The following AGBL4 variants were observed in gnomAD, a reference collection of about 807,000 sequenced individuals.
AGBL4 encodes cytosolic carboxypeptidase 6.
Under a neutral mutation model 66.4 loss-of-function variants are expected in AGBL4, and 58 were observed. That is an observed-to-expected ratio of 0.87 (90% CI 0.71 to 1.09). The LOEUF (loss-of-function observed/expected upper bound fraction) is 1.09. Ranked by LOEUF, AGBL4 falls within the 50% of genes least tolerant of loss-of-function variation. The pLI is 0.00. For missense variants in AGBL4, 579 were observed against 631.0 expected (o/e 0.92, Z 0.88); for synonymous variants, 234 against 222.9 (o/e 1.05, Z -0.44).
intron 4 of AGBL4, among the ~76,000 whole-genome samples, chr1:49,162,569 G>A (rs949702120): frequency 3.3e-5 from 5 of 152,162 alleles, no homozygotes; most frequent in Admixed American, 3.3e-4. Flanking sequence ...CTGCCTTCAA[G>A]TTGATCTTTC....
intron 2 of AGBL4, among the ~76,000 whole-genome samples, chr1:49,762,506 G>C (rs985688686): frequency 6.6e-6 from 1 of 151,096 alleles, no homozygotes; most frequent in Admixed American, 6.6e-5. Context: ...TCCGTCTTCC[G>C]GGTTCACTCC....
intron 5 of AGBL4, among the ~76,000 whole-genome samples, chr1:48,923,814 G>A (rs1654298157): frequency 6.6e-6 from 1 of 152,158 alleles, no homozygotes; most frequent in Admixed American, 6.5e-5. Flanking sequence ...TCATACATCC[G>A]TGGGCATGTA....
At chr1:49,791,322 G>A (rs994057896) in intron 2 of AGBL4, among the ~76,000 whole-genome samples, 5 of 151,906 alleles carry the variant, frequency 3.3e-5, no homozygotes, top group Non-Finnish European at 5.9e-5. Flanking sequence ...ATGTCTACAT[G>A]GATATATGTA....
chr1:49,670,535 A>T (rs1454066799), intron 3 of AGBL4, among the ~76,000 whole-genome samples: 3 of 152,196 alleles, frequency 2.0e-5, no homozygotes, highest in East Asian at 3.9e-4. Flanking sequence ...GGGCTGAAAC[A>T]TGCTTGCCAC....
intron 6 of AGBL4, among the ~76,000 whole-genome samples, chr1:48,683,019 T>C (rs1267905787): frequency 6.6e-6 from 1 of 152,116 alleles, no homozygotes; most frequent in African/African-American, 2.4e-5. Flanking sequence ...AATTGAGAAG[T>C]ATAGAACACT....
chr1:48,925,914 C>G (rs1461774825), intron 5 of AGBL4, among the ~76,000 whole-genome samples: 1 of 152,114 alleles, frequency 6.6e-6, no homozygotes, highest in Admixed American at 6.5e-5. Flanking sequence ...CTCCACTCTC[C>G]CCCTACAACC....
chr1:48,673,689 C>G (rs1237405884), intron 6 of AGBL4, among the ~76,000 whole-genome samples: 1 of 151,918 alleles, frequency 6.6e-6, no homozygotes, highest in African/African-American at 2.4e-5. Context: ...AACAAACCAA[C>G]CCATGCCTTG....
intron 2 of AGBL4, among the ~76,000 whole-genome samples, chr1:49,776,892 C>A (rs1459826988): frequency 2.0e-5 from 3 of 151,988 alleles, no homozygotes; most frequent in African/African-American, 7.2e-5. Flanking sequence ...GCATTTAACA[C>A]AAATACACTT....
At position 48,987,758 on chromosome 1, in the gene AGBL4, T is replaced by C. The variant is rs149496447; in HGVS notation, c.594+57826A>G. Among the ~76,000 whole-genome samples, 493 of 152,228 alleles carry C rather than the reference T, an allele frequency of 3.2e-3. 2 individuals carry two copies. The highest frequency in any genetic ancestry group is 5.1e-3 in the Non-Finnish European group (349 of 67,978). The stretch of plus-strand genomic sequence containing the variant: ...CTAAGACAGATCATATTCTGGGTCA[T>C]AAAACAAGTTTCATGCATGTGAAAA... On this transcript the variant is annotated intron_variant, in intron 5 of 13. Transcript: ENST00000371839.
At chr1:49,415,515 G>T (rs895403709) in intron 3 of AGBL4, among the ~76,000 whole-genome samples, 2 of 152,064 alleles carry the variant, frequency 1.3e-5, no homozygotes, top group South Asian at 2.1e-4. Flanking sequence ...CTAATAACTA[G>T]GTGAATTTGG....
intron 4 of AGBL4, among the ~76,000 whole-genome samples, chr1:49,140,861 C>T (rs1646104125): frequency 6.6e-6 from 1 of 152,174 alleles, no homozygotes; most frequent in African/African-American, 2.4e-5. Context: ...ACTGGCACAA[C>T]TCTGGCAAAT....
chr1:48,919,537 G>A (rs552960053), intron 5 of AGBL4, among the ~76,000 whole-genome samples: 3 of 152,270 alleles, frequency 2.0e-5, no homozygotes, highest in South Asian at 4.1e-4. Context: ...TCTACAAAGA[G>A]CTCACAGACC....
chr1:49,668,480 G>A (rs1646411373), intron 3 of AGBL4, among the ~76,000 whole-genome samples: 1 of 152,086 alleles, frequency 6.6e-6, no homozygotes, highest in Non-Finnish European at 1.5e-5. Flanking sequence ...CTAGATTTTT[G>A]ACATGTAATT....
At chr1:49,560,288 G>T (rs1366099536) in intron 3 of AGBL4, among the ~76,000 whole-genome samples, 1 of 152,100 alleles carries the variant, frequency 6.6e-6, no homozygotes, top group Admixed American at 6.6e-5. Flanking sequence ...GAGATAATTT[G>T]AAAAGAATCA....
intron 6 of AGBL4, among the ~76,000 whole-genome samples, chr1:48,687,891 C>T (rs1390154893): frequency 1.3e-5 from 2 of 152,228 alleles, no homozygotes; most frequent in Non-Finnish European, 1.5e-5. Context: ...TGCAGAGAGC[C>T]GTCCCTGGCC....
intron 3 of AGBL4, among the ~76,000 whole-genome samples, chr1:49,474,421 T>G (rs1646808368): frequency 6.6e-6 from 1 of 152,148 alleles, no homozygotes; most frequent in Admixed American, 6.5e-5. Context: ...TTACACATTT[T>G]TTTGAGACAG....
intron 2 of AGBL4, among the ~76,000 whole-genome samples, chr1:49,834,280 G>T (rs1314592038): frequency 6.6e-6 from 1 of 152,102 alleles, no homozygotes; most frequent in African/African-American, 2.4e-5. Context: ...GGTCTATTCA[G>T]GGATTCAACT....
At chr1:49,870,487 T>C (rs1311187844) in intron 1 of AGBL4, among the ~76,000 whole-genome samples, 1 of 151,210 alleles carries the variant, frequency 6.6e-6, no homozygotes, top group Non-Finnish European at 1.5e-5. Context: ...AGGCGATGAG[T>C]GCCTCATTCT....
intron 2 of AGBL4, among the ~76,000 whole-genome samples, chr1:49,702,545 GAAGAA>G (rs1041655416): frequency 1.3e-5 from 2 of 151,950 alleles, no homozygotes; most frequent in African/African-American, 4.8e-5. Flanking sequence ...AAAAAAAATT[GAAGAA>G]AAGATAACAC....
Sources: gnomAD v4.1 joint callset for allele counts (sites outside exome capture counted in the v4.1 genomes callset) on GRCh38, gnomAD v4.1.1 for gene constraint, MANE v1.5 for transcripts, NCBI Gene and HGNC (gene_info 2026-07-23, HGNC 2026-07-21) for gene names.